Variants in FNBP1 observed in about 807,000 individuals in gnomAD.
FNBP1 encodes the protein formin-binding protein 1.
In FNBP1, 26 loss-of-function variants were observed where a neutral mutation model predicts 90.6. That is an observed-to-expected ratio of 0.29 (90% CI 0.21 to 0.40). The LOEUF (loss-of-function observed/expected upper bound fraction) is 0.40. Ranked by LOEUF, FNBP1 falls within the 10% of genes least tolerant of loss-of-function variation. FNBP1 has a pLI of 1.00. For missense variants in FNBP1, 635 were observed against 768.0 expected, an observed-to-expected ratio of 0.83 and a Z score of 2.05; for synonymous variants, 260 against 265.2, an observed-to-expected ratio of 0.98 and a Z score of 0.19.
At chr9:129,914,791 A>ATC (rs2039998762) in intron 11 of FNBP1, 3 of 159,540 alleles carry the variant, frequency 1.9e-5, no homozygotes, top group Admixed American at 1.4e-4. Context: ...ATATATATAT[A>ATC]TATCTCACCA....
At chr9:129,934,629 T>C (rs1588665069) in intron 6 of FNBP1, among the ~76,000 whole-genome samples, 1 of 151,944 alleles carries the variant, frequency 6.6e-6, no homozygotes, top group South Asian at 2.1e-4. Context: ...TGGAGTGCAG[T>C]GGCACAATCT....
chr9:130,013,701 T>C, intron 1 of FNBP1: 1 of 456,474 alleles, frequency 2.2e-6, no homozygotes, highest in Non-Finnish European at 4.4e-6. Context: ...CCTGCTTTGT[T>C]GTCAATGTGT....
chr9:129,988,427 C>A (rs768993890), intron 2 of FNBP1, among the ~76,000 whole-genome samples: 1 of 152,104 alleles, frequency 6.6e-6, no homozygotes, highest in South Asian at 2.1e-4. Flanking sequence ...GCCTGTAATC[C>A]CAGCACTTTG....
chr9:129,963,616 C>CTT (rs35213636), intron 4 of FNBP1, among the ~76,000 whole-genome samples: 8,093 of 115,122 alleles, frequency 0.07, 459 homozygotes, highest in Admixed American at 0.12. Flanking sequence ...TCCTTCCAGC[C>CTT]TTTTTTTTTT....
At chr9:129,975,895 T>A (rs1589011392) in intron 4 of FNBP1, among the ~76,000 whole-genome samples, 2 of 79,536 alleles carry the variant, frequency 2.5e-5, no homozygotes, top group Admixed American at 2.1e-4. Context: ...ACAGTGAGAC[T>A]CCATCTTAAA....
the FNBP1 span, among the ~76,000 whole-genome samples, chr9:130,048,834 G>A: frequency 1.4e-5 from 2 of 145,180 alleles, no homozygotes; most frequent in African/African-American, 5.2e-5. Context: ...AGGCTGGAGT[G>A]CAGTGGCGCC....
upstream of FNBP1, among the ~76,000 whole-genome samples, chr9:130,046,455 C>T (rs935675868): frequency 6.6e-6 from 1 of 151,832 alleles, no homozygotes; most frequent in Non-Finnish European, 1.5e-5. Flanking sequence ...GAGAGTTGGC[C>T]GGACGTGGTG....
At chr9:130,053,658 CG>C in the FNBP1 span, 5 of 500,516 alleles carry the variant, frequency 1.0e-5, no homozygotes, top group Middle Eastern at 1.1e-3. Flanking sequence ...AGGTGCGGCC[CG>C]GGCTGGTCTG....
intron 13 of FNBP1, among the ~76,000 whole-genome samples, chr9:129,901,858 G>A (rs954029309): frequency 1.3e-5 from 2 of 152,162 alleles, no homozygotes; most frequent in Non-Finnish European, 2.9e-5. Context: ...GTCACACTGA[G>A]GTGAGATCAC....
At chr9:129,898,691 T>C (rs1032448147) in intron 15 of FNBP1, among the ~76,000 whole-genome samples, 1 of 152,288 alleles carries the variant, frequency 6.6e-6, no homozygotes, top group East Asian at 1.9e-4. Context: ...GGTTTCACCA[T>C]GTTGGCCAGG....
intron 10 of FNBP1, chr9:129,918,923 A>G (rs1292332871): frequency 5.4e-6 from 1 of 183,984 alleles, no homozygotes; most frequent in Middle Eastern, 2.6e-3. Context: ...CTGTTATTAG[A>G]AAGTTTGCTT....
At chr9:129,961,275 G>A (rs913675638) in intron 4 of FNBP1, among the ~76,000 whole-genome samples, 4 of 152,068 alleles carry the variant, frequency 2.6e-5, no homozygotes, top group Non-Finnish European at 4.4e-5. Context: ...TAGTACCATT[G>A]TACTCCAGCC....
At chr9:129,910,481 CAAAAAAACA>C (rs1177428071) in intron 11 of FNBP1, among the ~76,000 whole-genome samples, 12 of 90,114 alleles carry the variant, frequency 1.3e-4, no homozygotes, top group African/African-American at 3.7e-4. Flanking sequence ...GACTCCATCT[CAAAAAAACA>C]AAAAAAAAAA....
At chr9:129,924,517 G>A (rs1360389660) in intron 9 of FNBP1, among the ~76,000 whole-genome samples, 1 of 152,136 alleles carries the variant, frequency 6.6e-6, no homozygotes, top group Non-Finnish European at 1.5e-5. Flanking sequence ...CCTATGTATC[G>A]CACTATGAAA....
chr9:129,979,309 T>C lies in FNBP1; in HGVS notation c.197+9A>G. 1 of 1,564,576 alleles carries C rather than the reference T, an allele frequency of 6.4e-7. No individual in the cohort carries two copies. Among genetic ancestry groups the C allele is most frequent in the East Asian group, 2.2e-5 (1 of 44,554 alleles). Reference sequence around the variant, plus strand: ...TCTATTACAAGACAATTTTCAATGGTAAACATACTTGTATTCTTCTTCCTC... The same window carrying C: ...TCTATTACAAGACAATTTTCAATGGCAAACATACTTGTATTCTTCTTCCTC... On this transcript the variant is annotated intron_variant, in intron 3 of 16. Coordinates refer to ENST00000446176, the MANE Select transcript of FNBP1 (RefSeq NM_015033.3).
Position 130,030,707 on chromosome 9 carries a change from C to T in FNBP1, c.24+12245G>A, listed in dbSNP as rs186468146. Among the ~76,000 whole-genome samples, 204 of 152,260 alleles carry T rather than the reference C, an allele frequency of 1.3e-3. 1 individual carries two copies. The Middle Eastern group carries it at 0.014, about 10-fold the overall frequency. On this transcript the variant is annotated intron_variant, in intron 1 of 16. Coordinates refer to ENST00000446176, the MANE Select transcript of FNBP1 (RefSeq NM_015033.3). ...CCCAGATTAGCCTACAGGGCGAGAA[C>T]GTACGGATCAGCCAACATGAATATT...
Position 129,955,799 on chromosome 9 carries a change from T to C in FNBP1, c.513+1561A>G, listed in dbSNP as rs988250459. 4.7e-5 allele frequency among the ~76,000 whole-genome samples: 7 copies of C among 150,140 alleles called. No individual in the cohort carries two copies. In the South Asian group the frequency reaches 1.5e-3, roughly 31 times the overall value. On this transcript the variant is annotated intron_variant, in intron 6 of 16. Transcript: ENST00000446176. ...AATAAAAAGAGACCATATCTCGGTA[T>C]CTCTAAAATATATACATATATACTT...
intron 10 of FNBP1, among the ~76,000 whole-genome samples, chr9:129,923,504 GGGAGGT>G (rs1361681485): frequency 2.0e-5 from 3 of 151,254 alleles, no homozygotes; most frequent in African/African-American, 4.9e-5. Flanking sequence ...GCTTAAACCC[GGGAGGT>G]GGAGGTTGCA....
chr9:130,007,519 A>C (rs934530451), intron 1 of FNBP1, among the ~76,000 whole-genome samples: 1 of 152,152 alleles, frequency 6.6e-6, no homozygotes, highest in African/African-American at 2.4e-5. Context: ...CTAGAGTCTG[A>C]GCAGATGAGA....
Sources: gnomAD v4.1 joint callset for allele counts (sites outside exome capture counted in the v4.1 genomes callset) on GRCh38, gnomAD v4.1.1 for gene constraint, MANE v1.5 for transcripts, NCBI Gene and HGNC (gene_info 2026-07-23, HGNC 2026-07-21) for gene names.